UBR3: variants seen among roughly 807,000 people sequenced by gnomAD.
UBR3 encodes the protein E3 ubiquitin-protein ligase UBR3.
Under a neutral mutation model 243.2 loss-of-function variants are expected in UBR3, and 85 were observed. That is an observed-to-expected ratio of 0.35 (90% CI 0.29 to 0.42). UBR3 has a LOEUF of 0.42. UBR3 is among the 10% of genes least tolerant of loss of function. UBR3 has a pLI of 1.00. For missense variants in UBR3, 1,686 were observed against 2,300.8 expected, an observed-to-expected ratio of 0.73 and a Z score of 5.47; for synonymous variants, 748 against 799.8, an observed-to-expected ratio of 0.94 and a Z score of 1.09.
intron 24 of UBR3, among the ~76,000 whole-genome samples, chr2:169,973,228 A>G (rs1273789750): frequency 1.5e-5 from 2 of 129,522 alleles, no homozygotes; most frequent in African/African-American, 5.8e-5. Context: ...GTACTTCTTC[A>G]AGGAGAACTA....
At chr2:169,842,866 G>A (rs907862596) in intron 1 of UBR3, among the ~76,000 whole-genome samples, 3 of 152,312 alleles carry the variant, frequency 2.0e-5, no homozygotes, top group Admixed American at 2.0e-4. Flanking sequence ...TAGGACATGG[G>A]TACAATTCAG....
intron 18 of UBR3, among the ~76,000 whole-genome samples, chr2:169,931,377 C>T (rs1303569490): frequency 7.7e-6 from 1 of 130,630 alleles, no homozygotes; most frequent in African/African-American, 2.9e-5. Context: ...AAAAAAAGGA[C>T]GATAAATGAT....
chr2:169,881,977 TTATA>T (rs1262971170), intron 5 of UBR3, among the ~76,000 whole-genome samples: 1 of 61,272 alleles, frequency 1.6e-5, no homozygotes, highest in African/African-American at 4.2e-5. Context: ...TGTAATTATA[TTATA>T]TATGTATATG....
intron 26 of UBR3, among the ~76,000 whole-genome samples, chr2:169,999,780 G>T (rs16857375): frequency 0.012 from 1,772 of 152,220 alleles, 48 homozygotes; most frequent in African/African-American, 0.039. Flanking sequence ...CAATGAAAGC[G>T]AAGTTGAAGA....
chr2:170,074,956 T>C (rs996035431), intron 36 of UBR3, among the ~76,000 whole-genome samples: 1 of 152,176 alleles, frequency 6.6e-6, no homozygotes, highest in South Asian at 2.1e-4. Flanking sequence ...GGTGGTGTCT[T>C]TGGCAGAAAT....
rs1574343928 is a variant in UBR3 at position 169,986,852 on chromosome 2, A to T, written c.3784+58A>T. The stretch of plus-strand genomic sequence containing the variant: ...TTTAGAGCTGAAGTATATACAACAG[A>T]TTAATAAATATCTGTATTAAATGAA... On this transcript the variant is annotated intron_variant, in intron 25 of 38. Coordinates refer to ENST00000272793, the MANE Select transcript of UBR3 (RefSeq NM_172070.4). 2.6e-6 allele frequency: 4 copies of T among 1,543,742 alleles called. No homozygotes were observed. In the East Asian group the frequency reaches 9.1e-5, roughly 35 times the overall value.
In UBR3 at chr2:169,842,952, A is replaced by G. The variant is rs560891900; in HGVS notation, c.545+14900A>G. ...ATACGATATTCCTCATTTCTGTTTAAGAGATCATCAGAATGGCTTTTGCTA... is the reference window on the plus strand; with the variant it reads ...ATACGATATTCCTCATTTCTGTTTAGGAGATCATCAGAATGGCTTTTGCTA... On this transcript the variant is annotated intron_variant, in intron 1 of 38. Transcript: ENST00000272793. Among the ~76,000 whole-genome samples, 80 of 152,336 alleles carry G rather than the reference A, an allele frequency of 5.3e-4. 3 individuals are homozygous for G. In the South Asian group the frequency reaches 0.016, roughly 31 times the overall value.
intron 13 of UBR3, 106 bp downstream of exon 13, chr2:169,924,279 A>T: frequency 2.4e-6 from 2 of 848,524 alleles, no homozygotes; most frequent in Non-Finnish European, 3.4e-6. Flanking sequence ...ATGTTTGAAA[A>T]CTTTTTTTAA....
At chr2:169,842,106 C>G (rs910647745) in intron 1 of UBR3, among the ~76,000 whole-genome samples, 1 of 151,166 alleles carries the variant, frequency 6.6e-6, no homozygotes, top group African/African-American at 2.4e-5. Flanking sequence ...AATCGACACT[C>G]TGTATCTAGC....
chr2:169,888,521 G>A (rs11688899), intron 5 of UBR3, among the ~76,000 whole-genome samples: 2 of 151,920 alleles, frequency 1.3e-5, no homozygotes, highest in African/African-American at 4.8e-5. Context: ...GTATATACTC[G>A]TGTATTACTT....
In UBR3 at chr2:169,947,539, T is replaced by G. The variant is rs1306872704; in HGVS notation, c.2911-3T>G. On this transcript the variant is annotated splice_polypyrimidine_tract_variant and splice_region_variant and intron_variant, in intron 21 of 38. Coordinates refer to ENST00000272793, the MANE Select transcript of UBR3 (RefSeq NM_172070.4). ...TTGATATTCATTTTTTTTTTTATTT[T>G]AGGCATCAGTGGGTGGACCAGAACG... 2 of 1,452,116 alleles carry G rather than the reference T, an allele frequency of 1.4e-6. No individual in the cohort carries two copies. Among genetic ancestry groups the G allele is most frequent in the Non-Finnish European group, 1.8e-6 (2 of 1,099,494 alleles). 90.0% of individuals were successfully genotyped at this position (1,452,116 alleles called of 1,614,324 possible).
intron 35 of UBR3, among the ~76,000 whole-genome samples, chr2:170,068,000 C>G (rs2105452303): frequency 6.6e-6 from 1 of 151,932 alleles, no homozygotes; most frequent in East Asian, 1.9e-4. Context: ...GAACTCCTGA[C>G]CTCAAGTGAT....
chr2:169,995,581 G>A (rs572017223), intron 26 of UBR3, among the ~76,000 whole-genome samples: 1 of 152,306 alleles, frequency 6.6e-6, no homozygotes, highest in East Asian at 1.9e-4. Flanking sequence ...ACATTAAAGT[G>A]AGGACTTAAT....
chr2:169,923,837 T>C (rs947499996), intron 11 of UBR3, 92 bp from the exon 12 acceptor site: 2 of 1,051,314 alleles, frequency 1.9e-6, no homozygotes, highest in African/African-American at 3.3e-5. Flanking sequence ...TAGGAATAAA[T>C]CCAGGTGAGA....
Position 169,852,889 on chromosome 2 carries a change from C to A in UBR3, c.546-19347C>A, listed in dbSNP as rs1168079394. On this transcript the variant is annotated intron_variant, in intron 1 of 38. Transcript: ENST00000272793. ...AAAAAAAAAAAAAAACAAAACCAAA[C>A]AAATTGAGTCCTTTAAGAGAGCCAT... Among the ~76,000 whole-genome samples the A allele has an allele frequency of 9.7e-3, 831 of 85,236 alleles. 40 individuals are homozygous for A. The highest frequency in any genetic ancestry group is 0.02 in the Middle Eastern group (3 of 150). The allele number at this position is 85,236 out of a possible 152,430, so 55.9% of individuals were successfully genotyped here.
At chr2:169,886,612 T>C (rs1456745045) in intron 5 of UBR3, among the ~76,000 whole-genome samples, 3 of 152,248 alleles carry the variant, frequency 2.0e-5, no homozygotes, top group Non-Finnish European at 4.4e-5. Flanking sequence ...TTAAAATCTA[T>C]GTCCTCATTT....
intron 5 of UBR3, among the ~76,000 whole-genome samples, chr2:169,884,130 G>A (rs984074632): frequency 6.7e-6 from 1 of 150,350 alleles, no homozygotes. Context: ...ACCGTGCCCA[G>A]CCTGTAAGGT....
In UBR3 at chr2:169,914,145, A is replaced by G; in HGVS notation, c.1865A>G (p.Glu622Gly). 6.7e-7 allele frequency: 1 copy of G among 1,487,502 alleles called. No individual in the cohort carries two copies. 92.1% of individuals were successfully genotyped at this position (1,487,502 alleles called of 1,614,324 possible). ...TTTGATGCTATTAACTTCGTAGACG[A>G]GGTATGTATATTTTTGATGTATGTA... is the stretch of plus-strand genomic sequence containing the variant. ...DWFDAINFVD[E>G]PAPNQVTFHL... Residue 622 changes from glutamate (E) to glycine (G), a missense_variant and splice_region_variant, in exon 11 of 39, where the codon GAG (glutamate) becomes GGG (glycine). By Grantham distance (98) the Glu-to-Gly change is moderately conservative. Transcript: ENST00000272793.
chr2:169,964,115 A>T (rs2087702745), intron 24 of UBR3, among the ~76,000 whole-genome samples: 1 of 152,140 alleles, frequency 6.6e-6, no homozygotes. Context: ...TAAAACTTTT[A>T]AATTTCTTAA....
Sources: gnomAD v4.1 joint callset for allele counts (sites outside exome capture counted in the v4.1 genomes callset) on GRCh38, gnomAD v4.1.1 for gene constraint, MANE v1.5 for transcripts, NCBI Gene and HGNC (gene_info 2026-07-23, HGNC 2026-07-21) for gene names.